GALNT13: variants seen among roughly 807,000 people sequenced by gnomAD.
The protein encoded by GALNT13 is polypeptide N-acetylgalactosaminyltransferase 13.
GALNT13 carries 28 observed loss-of-function variants against 64.2 expected under a neutral mutation model. The observed-to-expected ratio is 0.44, with a 90% confidence interval of 0.32 to 0.60. The LOEUF (loss-of-function observed/expected upper bound fraction) is 0.60, where lower values mean the gene tolerates loss of function less well. GALNT13 is among the 20% of genes least tolerant of loss of function. The pLI, the probability that GALNT13 is intolerant of heterozygous loss-of-function variation, is 0.05. For missense variants in GALNT13, 577 were observed against 669.8 expected (o/e 0.86, Z 1.53); for synonymous variants, 214 against 224.6 (o/e 0.95, Z 0.42).
At chr2:153,501,621 C>T in the GALNT13 span, among the ~76,000 whole-genome samples, 10 of 152,242 alleles carry the variant, frequency 6.6e-5, no homozygotes, top group South Asian at 1.2e-3. Context: ...CATGAGCCTC[C>T]GCACCCGGCC....
At chr2:154,373,113 TA>T (rs1697793192) in intron 9 of GALNT13, among the ~76,000 whole-genome samples, 1 of 152,126 alleles carries the variant, frequency 6.6e-6, no homozygotes, top group African/African-American at 2.4e-5. Context: ...AAAACTTATA[TA>T]AAAAATGAAT....
intron 11 of GALNT13, among the ~76,000 whole-genome samples, chr2:154,418,997 T>C (rs976003564): frequency 3.3e-5 from 5 of 152,106 alleles, no homozygotes; most frequent in African/African-American, 1.2e-4. Flanking sequence ...ATCATAGTAA[T>C]TGTAAATAAC....
intron 9 of GALNT13, among the ~76,000 whole-genome samples, chr2:154,364,784 C>A (rs751161047): frequency 5.3e-5 from 8 of 152,188 alleles, no homozygotes; most frequent in Admixed American, 2.0e-4. Context: ...GATTCCCTTG[C>A]CTCAGCCTCC....
At chr2:153,549,132 T>C in the GALNT13 span, among the ~76,000 whole-genome samples, 133,535 of 152,134 alleles carry the variant, frequency 0.88, 58,664 homozygotes, top group Middle Eastern at 0.95. Flanking sequence ...GAGTGACTGA[T>C]GATGGGTAGG....
At chr2:153,314,744 C>G in the GALNT13 span, among the ~76,000 whole-genome samples, 3 of 128,794 alleles carry the variant, frequency 2.3e-5, no homozygotes, top group Admixed American at 7.4e-5. Flanking sequence ...AAAAATACAA[C>G]ATGCCCAAAC....
At chr2:153,589,385 T>C in the GALNT13 span, among the ~76,000 whole-genome samples, 1 of 152,164 alleles carries the variant, frequency 6.6e-6, no homozygotes, top group Non-Finnish European at 1.5e-5. Context: ...AACAAGTCTT[T>C]AGGGAGTTCC....
chr2:154,401,255 T>TA (rs1392896391), intron 10 of GALNT13, among the ~76,000 whole-genome samples: 1 of 152,124 alleles, frequency 6.6e-6, no homozygotes, highest in South Asian at 2.1e-4. Flanking sequence ...AGATTAAGGG[T>TA]AAAATCAGTT....
intron 8 of GALNT13, among the ~76,000 whole-genome samples, chr2:154,270,264 A>G (rs902307832): frequency 2.6e-5 from 4 of 151,890 alleles, no homozygotes; most frequent in African/African-American, 9.7e-5. Flanking sequence ...TTAGCCTTTG[A>G]TATGATGCTT....
chr2:153,612,724 T>C, the GALNT13 span, among the ~76,000 whole-genome samples: 1 of 152,130 alleles, frequency 6.6e-6, no homozygotes, highest in Non-Finnish European at 1.5e-5. Flanking sequence ...GTAAAAATGA[T>C]CTTTTAGAAA....
At chr2:153,414,609 T>C in the GALNT13 span, among the ~76,000 whole-genome samples, 2 of 151,974 alleles carry the variant, frequency 1.3e-5, no homozygotes, top group African/African-American at 4.8e-5. Flanking sequence ...CTAATGGTCC[T>C]AGGACCTGAT....
chr2:153,857,503 A>C, the GALNT13 span, among the ~76,000 whole-genome samples: 1 of 152,168 alleles, frequency 6.6e-6, no homozygotes, highest in African/African-American at 2.4e-5. Context: ...GCTGTGAGAG[A>C]AGCAACAGGG....
At chr2:153,071,180 G>A in the GALNT13 span, among the ~76,000 whole-genome samples, 1 of 152,116 alleles carries the variant, frequency 6.6e-6, no homozygotes, top group Admixed American at 6.5e-5. Context: ...CTATAGTTGT[G>A]CAAGAAGAGA....
At chr2:153,532,156 G>C in the GALNT13 span, among the ~76,000 whole-genome samples, 1 of 151,988 alleles carries the variant, frequency 6.6e-6, no homozygotes, top group African/African-American at 2.4e-5. Flanking sequence ...CTCTGTGAGC[G>C]CTCCACTCCT....
chr2:154,092,391 AAGGTATTTTGCT>A (rs1701858776), intron 3 of GALNT13, among the ~76,000 whole-genome samples: 1 of 152,038 alleles, frequency 6.6e-6, no homozygotes, highest in Non-Finnish European at 1.5e-5. Context: ...GTCATTTTTG[AAGGTATTTTGCT>A]AGACTAAATG....
chr2:153,127,765 T>C, the GALNT13 span, among the ~76,000 whole-genome samples: 1 of 152,230 alleles, frequency 6.6e-6, no homozygotes, highest in Non-Finnish European at 1.5e-5. Context: ...CTTTATATTA[T>C]GGCAAACTTT....
chr2:153,235,586 A>G, the GALNT13 span, among the ~76,000 whole-genome samples: 1 of 152,064 alleles, frequency 6.6e-6, no homozygotes, highest in African/African-American at 2.4e-5. Context: ...TTACTATTAT[A>G]GTGAGCATAG....
the GALNT13 span, among the ~76,000 whole-genome samples, chr2:153,659,933 A>T: frequency 2.0e-5 from 3 of 152,160 alleles, no homozygotes; most frequent in Non-Finnish European, 2.9e-5. Context: ...TATGTTAGAG[A>T]TGAAATATAT....
At chr2:153,611,351 C>T in the GALNT13 span, among the ~76,000 whole-genome samples, 273 of 152,160 alleles carry the variant, frequency 1.8e-3, 2 homozygotes, top group Non-Finnish European at 3.2e-3. Context: ...CCCTGCCCCC[C>T]CGTCCGCCTT....
chr2:153,657,357 A>T, the GALNT13 span, among the ~76,000 whole-genome samples: 2 of 152,090 alleles, frequency 1.3e-5, no homozygotes, highest in Non-Finnish European at 2.9e-5. Context: ...GAGATAGAAA[A>T]CAGTAGGGAA....
Sources: gnomAD v4.1 joint callset for allele counts (sites outside exome capture counted in the v4.1 genomes callset) on GRCh38, gnomAD v4.1.1 for gene constraint, MANE v1.5 for transcripts, NCBI Gene and HGNC (gene_info 2026-07-23, HGNC 2026-07-21) for gene names.